CTIF: variants seen among roughly 807,000 people sequenced by gnomAD.
CTIF encodes cap binding complex dependent translation initiation factor.
CTIF carries 21 observed loss-of-function variants against 66.0 expected under a neutral mutation model. The ratio of observed to expected loss-of-function variants is 0.32; its 90% CI spans 0.23 to 0.46. The LOEUF (loss-of-function observed/expected upper bound fraction) is 0.46. Among genes scored for constraint, CTIF ranks in the 20% least tolerant of loss-of-function variants. The probability of loss-of-function intolerance (pLI) is 1.00; values close to 1 mark genes in which losing one functional copy is unlikely to be tolerated. For synonymous variants in CTIF, 345 were observed against 326.4 expected, an observed-to-expected ratio of 1.06 and a Z score of -0.62; for missense variants, 739 against 812.7, an observed-to-expected ratio of 0.91 and a Z score of 1.10.
chr18:48,592,703 A>G (rs1409553843), intron 1 of CTIF, among the ~76,000 whole-genome samples: 1 of 152,196 alleles, frequency 6.6e-6, no homozygotes, highest in African/African-American at 2.4e-5. Flanking sequence ...TGTCATTGTT[A>G]ACAGTTGGAG....
rs367622814 is a variant in CTIF, at chr18:48,543,327, C to A, written c.-29+4015C>A. Among the ~76,000 whole-genome samples, 202 of 152,310 alleles carry A rather than the reference C, an allele frequency of 1.3e-3. 4 individuals carry two copies. The South Asian group carries it at 0.04, about 30-fold the overall frequency. The stretch of plus-strand genomic sequence containing the variant: ...GTGGTGGCATTTCTGCATAACTTAC[C>A]TGATAACACAGCCCCATTTGATGTC... On this transcript the variant is annotated intron_variant, in intron 1 of 11. Transcript: ENST00000256413.
chr18:48,789,303 A>C (rs2067741699), intron 9 of CTIF, among the ~76,000 whole-genome samples: 1 of 151,720 alleles, frequency 6.6e-6, no homozygotes, highest in Non-Finnish European at 1.5e-5. Flanking sequence ...TGGGTTTCTT[A>C]CTCTCTCCAA....
At chr18:48,662,272 G>C (rs1006687613) in intron 3 of CTIF, 2 of 152,432 alleles carry the variant, frequency 1.3e-5, no homozygotes, top group Non-Finnish European at 1.5e-5. Context: ...GAAGCACCCA[G>C]GGCCATGGCG....
At chr18:48,556,292 T>C (rs890695280) in intron 1 of CTIF, among the ~76,000 whole-genome samples, 1 of 152,182 alleles carries the variant, frequency 6.6e-6, no homozygotes, top group Non-Finnish European at 1.5e-5. Context: ...GTTTTGAGGC[T>C]CACGAGCTTC....
chr18:48,651,080 C>A (rs1305473206), intron 3 of CTIF, among the ~76,000 whole-genome samples: 1 of 152,170 alleles, frequency 6.6e-6, no homozygotes, highest in Non-Finnish European at 1.5e-5. Context: ...GAAGAAACTG[C>A]ATCAATTAAC....
At position 48,761,784 on chromosome 18, in the gene CTIF, T is replaced by G; in HGVS notation, c.1371+95T>G. ...AGAAGGCTGCGAGTTCTGGCCACAG[T>G]TGGACTTTTCCCAAGTTCCGCCCTT... On this transcript the variant is annotated intron_variant, in intron 9 of 11. Coordinates refer to ENST00000256413, the MANE Select transcript of CTIF (RefSeq NM_014772.3). This position sits in a 1 kb window ranked among gnomAD's most constrained non-coding sequence, Gnocchi z 4.2. The G allele has an allele frequency of 7.8e-7, 1 of 1,288,378 alleles. No individual in the cohort carries two copies. Among genetic ancestry groups the G allele is most frequent in the Non-Finnish European group, 1.1e-6 (1 of 935,394 alleles). The allele number at this position is 1,288,378 out of a possible 1,614,324, so 79.8% of individuals were successfully genotyped here.
intron 5 of CTIF, among the ~76,000 whole-genome samples, chr18:48,665,968 A>T (rs1180474050): frequency 6.6e-6 from 1 of 152,168 alleles, no homozygotes. Context: ...TTGGGTGTAT[A>T]CCTGGGGTGG....
In CTIF at chr18:48,862,694, A is replaced by T. The variant is rs903558386; in HGVS notation, c.*3135A>T. 8 of 152,272 alleles carry T rather than the reference A, an allele frequency of 5.3e-5. No homozygotes were observed. The highest frequency in any genetic ancestry group is 1.9e-4 in the African/African-American group (8 of 41,390). The allele number at this position is 152,272 out of a possible 1,614,324, so 9.4% of individuals were successfully genotyped here. A position where few individuals can be genotyped will look rare whatever the true frequency, so the allele number is the denominator to read the frequency against. Reference sequence around the variant, plus strand: ...TTTATTCTATTATTTTCTCCGAGGGATGAGGGTGGGGGGTGTGGGAAGGGT... The same window carrying T: ...TTTATTCTATTATTTTCTCCGAGGGTTGAGGGTGGGGGGTGTGGGAAGGGT... On this transcript the variant is annotated 3_prime_UTR_variant, in exon 12 of 12. Transcript: ENST00000256413.
intron 3 of CTIF, 31 bp downstream of exon 3, chr18:48,636,716 G>A: frequency 6.6e-7 from 1 of 1,523,524 alleles, no homozygotes; most frequent in Non-Finnish European, 8.8e-7. Flanking sequence ...TCTGTCTGGG[G>A]GTGTCCTATG....
At chr18:48,642,243 A>C (rs1376813281) in intron 3 of CTIF, among the ~76,000 whole-genome samples, 1 of 152,164 alleles carries the variant, frequency 6.6e-6, no homozygotes, top group Non-Finnish European at 1.5e-5. Flanking sequence ...ACAAGATGAC[A>C]ACATACACGT....
intron 6 of CTIF, among the ~76,000 whole-genome samples, chr18:48,708,479 A>T (rs556888526): frequency 6.6e-6 from 1 of 152,338 alleles, no homozygotes; most frequent in East Asian, 1.9e-4. Context: ...TGCATGCAGG[A>T]GGAGGTTCCC....
rs1212828781 is a variant in CTIF at position 48,860,941 on chromosome 18, G to C, written c.*1382G>C. The stretch of plus-strand genomic sequence containing the variant: ...GTGGGGTGGAACAGGTGTCCACATA[G>C]CTCCATCTCTGGGGGCTGGAGCACA... On this transcript the variant is annotated 3_prime_UTR_variant, in exon 12 of 12. Coordinates refer to ENST00000256413, the MANE Select transcript of CTIF (RefSeq NM_014772.3). 6.6e-6 allele frequency: 1 copy of C among 152,240 alleles called. No individual in the cohort carries two copies. Among genetic ancestry groups the C allele is most frequent in the Non-Finnish European group, 1.5e-5 (1 of 68,056 alleles). 9.4% of individuals were successfully genotyped at this position (152,240 alleles called of 1,614,324 possible).
chr18:48,553,051 G>A (rs1184804383), intron 1 of CTIF, among the ~76,000 whole-genome samples: 1 of 152,140 alleles, frequency 6.6e-6, no homozygotes, highest in Non-Finnish European at 1.5e-5. Flanking sequence ...TTTGACATTT[G>A]CCTACACCTG....
intron 6 of CTIF, among the ~76,000 whole-genome samples, chr18:48,694,272 C>T (rs764735416): frequency 1.1e-4 from 16 of 152,336 alleles, no homozygotes; most frequent in African/African-American, 2.4e-4. Context: ...TAGGAATGGA[C>T]GCTATTCCTG....
At chr18:48,682,427 C>A (rs940509464) in intron 6 of CTIF, among the ~76,000 whole-genome samples, 2 of 152,168 alleles carry the variant, frequency 1.3e-5, no homozygotes, top group Admixed American at 1.3e-4. Context: ...CTATCTTCAC[C>A]CCAGTGAACC....
intron 10 of CTIF, among the ~76,000 whole-genome samples, chr18:48,853,837 A>G (rs905943441): frequency 6.6e-6 from 1 of 152,160 alleles, no homozygotes; most frequent in African/African-American, 2.4e-5. Context: ...AGAATTAAGG[A>G]TGTGCAGAAT....
intron 10 of CTIF, among the ~76,000 whole-genome samples, chr18:48,832,535 C>T (rs2068715714): frequency 6.6e-6 from 1 of 152,136 alleles, no homozygotes; most frequent in Admixed American, 6.5e-5. Context: ...AGAGAATCCA[C>T]GGATAGGGAC....
intron 3 of CTIF, among the ~76,000 whole-genome samples, chr18:48,649,612 A>G (rs2091118227): frequency 6.6e-6 from 1 of 152,208 alleles, no homozygotes; most frequent in Non-Finnish European, 1.5e-5. Context: ...TTCTCCCAGC[A>G]TGGTGTTTGA....
At chr18:48,703,424 C>T (rs2092110356) in intron 6 of CTIF, among the ~76,000 whole-genome samples, 1 of 152,186 alleles carries the variant, frequency 6.6e-6, no homozygotes, top group Admixed American at 6.5e-5. Context: ...TGCACGGCTG[C>T]ACCACTTCCT....
Sources: allele counts gnomAD v4.1 joint callset (sites outside exome capture counted in the v4.1 genomes callset), GRCh38; gene constraint gnomAD v4.1.1; non-coding constraint Gnocchi (gnomAD v3.1); transcripts MANE v1.5; gene names NCBI Gene and HGNC (gene_info 2026-07-23, HGNC 2026-07-21).